Variants in PCDHAC1 observed in about 807,000 individuals in gnomAD.
PCDHAC1 encodes protocadherin alpha-C1.
PCDHAC1 carries 42 observed loss-of-function variants against 60.0 expected under a neutral mutation model. The ratio of observed to expected loss-of-function variants is 0.70; its 90% CI spans 0.55 to 0.90. The LOEUF (loss-of-function observed/expected upper bound fraction) is 0.90. PCDHAC1 is among the 40% of genes least tolerant of loss of function. The probability of loss-of-function intolerance (pLI) is 0.00; values close to 1 mark genes in which losing one functional copy is unlikely to be tolerated. For synonymous variants in PCDHAC1, 468 were observed against 499.3 expected (o/e 0.94, Z 0.84); for missense variants, 1,160 against 1,222.3 (o/e 0.95, Z 0.76).
At chr5:140,976,832 A>G (rs246001) in intron 1 of PCDHAC1, among the ~76,000 whole-genome samples, 14,161 of 152,268 alleles carry the variant, frequency 0.093, 806 homozygotes, top group Middle Eastern at 0.22. Context: ...AATGAGCAAA[A>G]CAGATATAAT....
chr5:140,978,701 G>A (rs1240672824), intron 1 of PCDHAC1, among the ~76,000 whole-genome samples: 1 of 152,236 alleles, frequency 6.6e-6, no homozygotes, highest in African/African-American at 2.4e-5. Context: ...AAAGCCAAAG[G>A]TGGCCTTTAC....
chr5:141,006,504 C>T (rs911793343), intron 3 of PCDHAC1, among the ~76,000 whole-genome samples: 4 of 152,022 alleles, frequency 2.6e-5, no homozygotes, highest in East Asian at 1.9e-4. Flanking sequence ...TGAGCCACCG[C>T]GCCTGGCTGT....
At chr5:140,970,247 C>T (rs551216649) in intron 1 of PCDHAC1, among the ~76,000 whole-genome samples, 1 of 152,290 alleles carries the variant, frequency 6.6e-6, no homozygotes, top group East Asian at 1.9e-4. Context: ...TTTCTGTTGA[C>T]AGTTTCTATG....
Position 140,927,793 on chromosome 5 carries a change from C to A in PCDHAC1, c.901C>A (p.Pro301Thr). The change falls in exon 1 of 4, where the codon CCG becomes ACG. Residue 301 changes from proline to threonine, a missense_variant. Around this residue, in one of 3 missense-constraint regions of PCDHAC1, gnomAD observed 1,113 missense variants for 1,163.7 expected, o/e 0.96. Coordinates refer to ENST00000253807, the MANE Select transcript of PCDHAC1 (RefSeq NM_018898.5). Reference protein sequence around the residue: ...GEVQVAASLGPPETLLEAYIE... With the variant: ...GEVQVAASLGTPETLLEAYIE... ...GGTGCAAGTAGCTGCTTCACTAGGT[C>A]CGCCTGAAACGCTCTTGGAGGCATA... The A allele has an allele frequency of 6.2e-7, 1 of 1,614,180 alleles. No homozygotes were observed. The highest frequency in any genetic ancestry group is 8.5e-7 in the Non-Finnish European group (1 of 1,180,034).
intron 1 of PCDHAC1, among the ~76,000 whole-genome samples, chr5:140,931,244 T>C (rs1161128281): frequency 6.6e-6 from 1 of 152,168 alleles, no homozygotes; most frequent in Non-Finnish European, 1.5e-5. Context: ...ACACTTTTCC[T>C]ACCAAGAAAT....
chr5:141,008,678 G>C (rs1463545809), intron 3 of PCDHAC1, among the ~76,000 whole-genome samples: 1 of 152,112 alleles, frequency 6.6e-6, no homozygotes, highest in Non-Finnish European at 1.5e-5. Flanking sequence ...ATATACTTTA[G>C]TTATTGCATG....
intron 1 of PCDHAC1, among the ~76,000 whole-genome samples, chr5:140,939,959 G>A (rs1272327380): frequency 6.6e-6 from 1 of 152,150 alleles, no homozygotes; most frequent in Non-Finnish European, 1.5e-5. Flanking sequence ...TTATGTTAAA[G>A]TGTTCCACGA....
chr5:140,996,312 G>A (rs1397001765), intron 3 of PCDHAC1, among the ~76,000 whole-genome samples: 2 of 152,186 alleles, frequency 1.3e-5, no homozygotes, highest in African/African-American at 2.4e-5. Flanking sequence ...CAAAGTAAGG[G>A]GGGAGGGTAG....
At position 140,969,194 on chromosome 5, in the gene PCDHAC1, A is replaced by G. The variant is rs782262250; in HGVS notation, c.2434-9755A>G. On this transcript the variant is annotated intron_variant, in intron 1 of 3. Coordinates refer to ENST00000253807, the MANE Select transcript of PCDHAC1 (RefSeq NM_018898.5). ...AGGGAGTGACACTTTCATGTTTTAC[A>G]ATACAGGGGCCCAGACAGGACCAGG... 1.8e-5 allele frequency: 29 copies of G among 1,614,026 alleles called. No homozygotes were observed. The highest frequency in any genetic ancestry group is 2.3e-5 in the Non-Finnish European group (27 of 1,180,018).
chr5:141,004,369 C>T (rs1239142670), intron 3 of PCDHAC1, among the ~76,000 whole-genome samples: 1 of 152,324 alleles, frequency 6.6e-6, no homozygotes, highest in South Asian at 2.1e-4. Context: ...ACACCTTGTT[C>T]TGCTCTGCGG....
In PCDHAC1 at chr5:141,009,782, C is replaced by G; in HGVS notation, c.2737C>G (p.Arg913Gly). ...AGGATCTCCTGCAATCATCTCCATC[C>G]GGCAGGAGCCTACTAACAGCCAAAT... ...IPGSPAIISI[R>G]QEPTNSQIDK... Residue 913 changes from arginine to glycine, a missense_variant, in exon 4 of 4, where the codon CGG becomes GGG. By Grantham distance (125) the Arg-to-Gly change is moderately radical. Around this residue, in one of 3 missense-constraint regions of PCDHAC1, gnomAD observed 1,113 missense variants for 1,163.7 expected, o/e 0.96. Transcript: ENST00000253807. 1.2e-6 allele frequency: 2 copies of G among 1,614,074 alleles called. No homozygotes were observed. Among genetic ancestry groups the G allele is most frequent in the Non-Finnish European group, 1.7e-6 (2 of 1,180,012 alleles).
chr5:140,976,546 A>G (rs2096722070), intron 1 of PCDHAC1, among the ~76,000 whole-genome samples: 1 of 152,086 alleles, frequency 6.6e-6, no homozygotes, highest in Non-Finnish European at 1.5e-5. Context: ...GTAAGACCCT[A>G]TCTCATAAAT....
chr5:140,949,659 T>A (rs940241933), intron 1 of PCDHAC1, among the ~76,000 whole-genome samples: 12 of 151,994 alleles, frequency 7.9e-5, no homozygotes, highest in Middle Eastern at 6.8e-3. Context: ...TACTTTTGTT[T>A]CTTTAAAGTA....
At chr5:140,938,727 G>GA (rs2092176789) in intron 1 of PCDHAC1, among the ~76,000 whole-genome samples, 1 of 151,904 alleles carries the variant, frequency 6.6e-6, no homozygotes, top group South Asian at 2.1e-4. Flanking sequence ...CGTTTCTACA[G>GA]AAAAAAATAA....
intron 1 of PCDHAC1, among the ~76,000 whole-genome samples, chr5:140,937,729 G>A (rs1471512736): frequency 1.3e-5 from 2 of 151,886 alleles, no homozygotes; most frequent in African/African-American, 4.8e-5. Context: ...TGGCTAACAC[G>A]GTGAAACCCC....
intron 3 of PCDHAC1, chr5:140,988,797 AT>A (rs1481469131): frequency 2.0e-5 from 3 of 152,116 alleles, no homozygotes; most frequent in African/African-American, 7.2e-5. Context: ...TAATAGAAGA[AT>A]TTCTTCCGTA....
intron 1 of PCDHAC1, among the ~76,000 whole-genome samples, chr5:140,961,995 TG>T (rs2095649493): frequency 1.3e-5 from 2 of 152,062 alleles, no homozygotes; most frequent in African/African-American, 4.8e-5. Flanking sequence ...GCCATTGTCC[TG>T]CCTCAGCTTC....
rs1197189729 is a variant in PCDHAC1, at chr5:141,011,926, G to A, written c.*1989G>A. On this transcript the variant is annotated 3_prime_UTR_variant, in exon 4 of 4. Transcript: ENST00000253807. ...TTAGGCATTAATATAAAAGAGGTAG[G>A]AGTCTGTTATTTAAAAAAAGCATTA... 1 of 153,498 alleles carries A rather than the reference G, an allele frequency of 6.5e-6. No individual in the cohort carries two copies. Among genetic ancestry groups the A allele is most frequent in the African/African-American group, 2.4e-5 (1 of 41,380 alleles). 9.5% of individuals were successfully genotyped at this position (153,498 alleles called of 1,614,324 possible).
chr5:141,006,992 A>C (rs1187318452), intron 3 of PCDHAC1, among the ~76,000 whole-genome samples: 3 of 152,196 alleles, frequency 2.0e-5, no homozygotes, highest in Non-Finnish European at 2.9e-5. Flanking sequence ...GGCTTAAAAT[A>C]TAAGTCTGCA....
Sources: gnomAD v4.1 joint callset for allele counts (sites outside exome capture counted in the v4.1 genomes callset) on GRCh38, gnomAD v4.1.1 for gene constraint, gnomAD v4.1.1 regional missense constraint, MANE v1.5 for transcripts, NCBI Gene and HGNC (gene_info 2026-07-23, HGNC 2026-07-21) for gene names.